The following TNNI3K variants were observed in gnomAD, a reference collection of about 807,000 sequenced individuals.
TNNI3K encodes the protein TNNI3 interacting kinase.
In TNNI3K, 140 loss-of-function variants were observed where a neutral mutation model predicts 114.5. The observed-to-expected ratio is 1.22, with a 90% CI of 1.07 to 1.41. TNNI3K has a LOEUF of 1.41. Among genes scored for constraint, TNNI3K ranks in the 40% most tolerant of loss-of-function variants. The pLI, the probability that TNNI3K is intolerant of heterozygous loss-of-function variation, is 0.00. For missense variants in TNNI3K, 1,125 were observed against 1,007.6 expected, an observed-to-expected ratio of 1.12 and a Z score of -1.58; for synonymous variants, 347 against 347.5, an observed-to-expected ratio of 1.00 and a Z score of 0.02.
rs758184312 is a variant in TNNI3K at position 74,336,031 on chromosome 1, A to G, written c.564A>G (p.Lys188=). The G allele has an allele frequency of 1.9e-6, 3 of 1,576,654 alleles. No homozygotes were observed. The South Asian group carries it at 3.6e-5, about 19-fold the overall frequency. ...TTTAGGTAACTCGCCTTCTTTTGAA[A>G]TTTGGTGCTGATGTAAATGTAAGTG... The part of the protein sequence containing the change: ...GHEQVTRLLL[K]FGADVNVSGE... Residue 188 remains lysine (K), a synonymous_variant, in exon 7 of 25, where the codon AAA becomes AAG. Coordinates refer to ENST00000326637, the MANE Select transcript of TNNI3K (RefSeq NM_015978.3).
At chr1:74,317,416 G>A (rs922539845) in intron 5 of TNNI3K, among the ~76,000 whole-genome samples, 1 of 152,196 alleles carries the variant, frequency 6.6e-6, no homozygotes, top group African/African-American at 2.4e-5. Flanking sequence ...TGCAAGGTAG[G>A]TAAAATTATT....
chr1:74,330,642 T>C (rs1322050642), intron 5 of TNNI3K, among the ~76,000 whole-genome samples: 1 of 152,188 alleles, frequency 6.6e-6, no homozygotes, highest in Non-Finnish European at 1.5e-5. Flanking sequence ...TGTTTTTCTC[T>C]TATTTATCTG....
At chr1:74,518,718 G>A (rs942279213) in intron 23 of TNNI3K, among the ~76,000 whole-genome samples, 17 of 151,938 alleles carry the variant, frequency 1.1e-4, no homozygotes, top group Non-Finnish European at 1.9e-4. Flanking sequence ...TTAGTGTTTT[G>A]AACACATATT....
chr1:74,502,482 C>T (rs1321915908), intron 23 of TNNI3K, among the ~76,000 whole-genome samples: 1 of 152,142 alleles, frequency 6.6e-6, no homozygotes, highest in Admixed American at 6.5e-5. Context: ...TTAATTTGGG[C>T]CTGTCCGGTA....
At chr1:74,381,992 A>T (rs866105638) in intron 17 of TNNI3K, among the ~76,000 whole-genome samples, 2 of 152,218 alleles carry the variant, frequency 1.3e-5, no homozygotes, top group African/African-American at 4.8e-5. Context: ...TATAGCACCT[A>T]TGTGGTTAGG....
intron 17 of TNNI3K, among the ~76,000 whole-genome samples, chr1:74,421,187 A>G (rs574016388): frequency 6.6e-6 from 1 of 152,276 alleles, no homozygotes; most frequent in Non-Finnish European, 1.5e-5. Context: ...AAGCCCCAGA[A>G]CACTGCCAGC....
At chr1:74,373,394 CAAA>C (rs1662714161) in intron 17 of TNNI3K, 2 of 151,860 alleles carry the variant, frequency 1.3e-5, no homozygotes, top group African/African-American at 2.4e-5. Flanking sequence ...AAGTCTCACT[CAAA>C]GAAGTAGAGA....
chr1:74,419,944 G>A lies in TNNI3K; in HGVS notation c.1773-16136G>A, dbSNP rs113945866. Among the ~76,000 whole-genome samples, 1,038 of 152,132 alleles carry A rather than the reference G, an allele frequency of 6.8e-3. 12 individuals are homozygous for A. The highest frequency in any genetic ancestry group is 0.024 in the African/African-American group (978 of 41,522). ...ACAGATTTCATAATGTATTAAGAGG[G>A]TGTGATACAACATAAATGGCTATAC... On this transcript the variant is annotated intron_variant, in intron 17 of 24. Transcript: ENST00000326637.
intron 17 of TNNI3K, among the ~76,000 whole-genome samples, chr1:74,430,438 A>G (rs560868680): frequency 6.6e-6 from 1 of 152,236 alleles, no homozygotes; most frequent in East Asian, 1.9e-4. Context: ...GAGAAAACAT[A>G]AGATTTAAAC....
At chr1:74,537,148 T>C (rs958882432) in intron 23 of TNNI3K, among the ~76,000 whole-genome samples, 6 of 152,226 alleles carry the variant, frequency 3.9e-5, no homozygotes, top group Non-Finnish European at 8.8e-5. Context: ...AGCTTGGATA[T>C]GAGCTTTTAT....
At chr1:74,518,319 C>T (rs139699335) in intron 23 of TNNI3K, among the ~76,000 whole-genome samples, 255 of 152,264 alleles carry the variant, frequency 1.7e-3, no homozygotes, top group African/African-American at 5.7e-3. Context: ...TATTTATTTT[C>T]ATCTCCTATT....
chr1:74,427,170 G>A (rs1665678558), intron 17 of TNNI3K, among the ~76,000 whole-genome samples: 2 of 151,494 alleles, frequency 1.3e-5, no homozygotes, highest in African/African-American at 2.4e-5. Flanking sequence ...AATGTCCAGT[G>A]CATTTCAGGG....
intron 5 of TNNI3K, among the ~76,000 whole-genome samples, chr1:74,295,389 A>T (rs1657920798): frequency 6.6e-6 from 1 of 152,146 alleles, no homozygotes; most frequent in Non-Finnish European, 1.5e-5. Flanking sequence ...ACATTTTAAA[A>T]ATTGTCTGTA....
chr1:74,469,018 G>T (rs986592188), intron 21 of TNNI3K: 4 of 152,012 alleles, frequency 2.6e-5, no homozygotes, highest in Non-Finnish European at 5.9e-5. Flanking sequence ...AACAACAGTG[G>T]CATGCGAAAC....
intron 4 of TNNI3K, among the ~76,000 whole-genome samples, chr1:74,261,231 T>C (rs565598665): frequency 1.3e-5 from 2 of 152,080 alleles, no homozygotes; most frequent in South Asian, 4.1e-4. Context: ...CCACTTACTT[T>C]GGCTCACATA....
intron 21 of TNNI3K, chr1:74,468,339 C>T (rs1285662096): frequency 6.6e-6 from 1 of 151,528 alleles, no homozygotes; most frequent in East Asian, 1.9e-4. Flanking sequence ...AAGAAACTGT[C>T]GATTAGGGTG....
chr1:74,322,709 C>T (rs761835876), intron 5 of TNNI3K, among the ~76,000 whole-genome samples: 5 of 152,100 alleles, frequency 3.3e-5, no homozygotes, highest in Non-Finnish European at 5.9e-5. Flanking sequence ...AGTCTGCCCA[C>T]CTCGGCCTCC....
In TNNI3K at chr1:74,446,411, T is replaced by C. The variant is rs566147491; in HGVS notation, c.2011+6789T>C. Among the ~76,000 whole-genome samples the C allele has an allele frequency of 1.4e-4, 21 of 151,186 alleles. No homozygotes were observed. The South Asian group carries it at 4.4e-3, about 32-fold the overall frequency. On this transcript the variant is annotated intron_variant, in intron 20 of 24. Coordinates refer to ENST00000326637, the MANE Select transcript of TNNI3K (RefSeq NM_015978.3). The stretch of plus-strand genomic sequence containing the variant: ...TGTTTGTTTTTTTCTTGTAAATTTG[T>C]TTGAATTCATTGTAGATTCTGGATA...
At chr1:74,448,260 T>TAAAAAA (rs71588834) in intron 20 of TNNI3K, among the ~76,000 whole-genome samples, 62 of 89,054 alleles carry the variant, frequency 7.0e-4, no homozygotes, top group African/African-American at 1.1e-3. Context: ...TAGAGTATAA[T>TAAAAAA]AAAAAAAAAA....
Sources: allele counts gnomAD v4.1 joint callset (sites outside exome capture counted in the v4.1 genomes callset), GRCh38; gene constraint gnomAD v4.1.1; transcripts MANE v1.5; gene names NCBI Gene and HGNC (gene_info 2026-07-23, HGNC 2026-07-21).